The following MYT1L variants were observed in gnomAD, a reference collection of about 807,000 sequenced individuals.
The protein encoded by MYT1L is myelin transcription factor 1-like protein.
In MYT1L, 12 loss-of-function variants were observed where a neutral mutation model predicts 126.7. That is an observed-to-expected ratio of 0.09 (90% confidence interval 0.06 to 0.15). MYT1L has a LOEUF of 0.15. Among genes scored for constraint, MYT1L ranks in the 10% least tolerant of loss-of-function variants. The pLI, the probability that MYT1L is intolerant of heterozygous loss-of-function variation, is 1.00. For synonymous variants in MYT1L, 541 were observed against 604.2 expected, an observed-to-expected ratio of 0.90 and a Z score of 1.53; for missense variants, 979 against 1,585.2, an observed-to-expected ratio of 0.62 and a Z score of 6.49.
intron 2 of MYT1L, among the ~76,000 whole-genome samples, chr2:2,269,585 C>G (rs1432856454): frequency 6.6e-6 from 1 of 152,164 alleles, no homozygotes; most frequent in East Asian, 1.9e-4. Flanking sequence ...TCCCTCCAAG[C>G]TGTCATAGAG....
chr2:2,140,800 C>G (rs1056474858), intron 3 of MYT1L, among the ~76,000 whole-genome samples: 6 of 152,136 alleles, frequency 3.9e-5, no homozygotes, highest in Non-Finnish European at 7.3e-5. Flanking sequence ...AATTCCTGAC[C>G]TCAGGTGATC....
chr2:2,032,942 CCT>C, intron 4 of MYT1L, among the ~76,000 whole-genome samples: 1 of 145,996 alleles, frequency 6.8e-6, no homozygotes, highest in Non-Finnish European at 1.5e-5. Flanking sequence ...CTCGCCAGTG[CCT>C]CTCACCCTGT....
chr2:2,122,872 T>TGTGTGTGTGTGA lies in MYT1L; in HGVS notation c.-304+49999_-304+50000insTCACACACACAC, dbSNP rs553951630. On this transcript the variant is annotated intron_variant, in intron 3 of 24. Coordinates refer to ENST00000647738, the MANE Select transcript of MYT1L (RefSeq NM_001303052.2). Reference sequence around the variant, plus strand: ...GTGTGTGTGTGTGTGTGTGTGTGTGTGAGAGAGAGAGAGAGAGAGACCAAT... The same window carrying TGTGTGTGTGTGA: ...GTGTGTGTGTGTGTGTGTGTGTGTGTGTGTGTGTGTGAGAGAGAGAGAGAGAGAGAGACCAAT... Among the ~76,000 whole-genome samples the TGTGTGTGTGTGA allele has an allele frequency of 4.2e-3, 555 of 133,008 alleles. 4 individuals carry two copies. The highest frequency in any genetic ancestry group is 0.016 in the African/African-American group (534 of 33,738). The allele number at this position is 133,008 out of a possible 152,430, so 87.3% of individuals were successfully genotyped here. A position where few individuals can be genotyped will look rare whatever the true frequency, so the allele number is the denominator to read the frequency against.
chr2:1,952,731 CCCT>C (rs1345798707), intron 8 of MYT1L, among the ~76,000 whole-genome samples: 5 of 63,202 alleles, frequency 7.9e-5, no homozygotes, highest in East Asian at 5.8e-4. Context: ...TCCTTCCCTT[CCCT>C]CCTTCCTTCC....
chr2:1,932,855 G>C (rs1348130716), intron 9 of MYT1L, among the ~76,000 whole-genome samples: 1 of 152,158 alleles, frequency 6.6e-6, no homozygotes, highest in Non-Finnish European at 1.5e-5. Context: ...TGGAGGGCTG[G>C]GAGGTTGAGG....
chr2:2,156,513 T>C (rs1575541469), intron 3 of MYT1L, among the ~76,000 whole-genome samples: 1 of 152,266 alleles, frequency 6.6e-6, no homozygotes, highest in Non-Finnish European at 1.5e-5. Context: ...AGCTTATTCC[T>C]TTCTCATAAG....
At chr2:2,239,585 T>C (rs2094396068) in intron 2 of MYT1L, among the ~76,000 whole-genome samples, 3 of 152,200 alleles carry the variant, frequency 2.0e-5, no homozygotes, top group Admixed American at 1.3e-4. Flanking sequence ...GGGGTTTACA[T>C]GGGGGATAGG....
At chr2:2,015,676 T>A (rs1412985702) in intron 4 of MYT1L, among the ~76,000 whole-genome samples, 1 of 151,262 alleles carries the variant, frequency 6.6e-6, no homozygotes, top group Non-Finnish European at 1.5e-5. Context: ...GAAACAAAGG[T>A]GGAAGGAGAA....
At chr2:2,004,093 G>A (rs1289525987) in intron 4 of MYT1L, among the ~76,000 whole-genome samples, 1 of 148,514 alleles carries the variant, frequency 6.7e-6, no homozygotes, top group Non-Finnish European at 1.5e-5. Flanking sequence ...GTTCTTTCCT[G>A]CGTGCCTTCT....
In MYT1L at chr2:1,892,214, G is replaced by A; in HGVS notation, c.2106C>T (p.Asn702=). ...CGCTGCTGCCCCCGCCGCAGCTCAG[G>A]TTGCTGCTGCTGCTGGGCGCGTAGC... ...TSSYAPSSSS[N]LSCGGGSSAS... is the part of the protein sequence containing the mutation. Residue 702 remains asparagine, a synonymous_variant, in exon 15 of 25, where the codon AAC becomes AAT. Transcript: ENST00000647738. 3 of 1,550,134 alleles carry A rather than the reference G, an allele frequency of 1.9e-6. No homozygotes were observed. The highest frequency in any genetic ancestry group is 2.6e-6 in the Non-Finnish European group (3 of 1,146,502).
intron 21 of MYT1L, chr2:1,810,209 C>T (rs2036381722): frequency 6.6e-6 from 1 of 151,312 alleles, no homozygotes; most frequent in Admixed American, 6.6e-5. Context: ...TCACTGCAGC[C>T]TCTGCCTCCT....
At chr2:1,914,197 T>C (rs2052481388) in intron 11 of MYT1L, among the ~76,000 whole-genome samples, 1 of 151,880 alleles carries the variant, frequency 6.6e-6, no homozygotes, top group South Asian at 2.1e-4. Context: ...GAGGTTGCAG[T>C]GAGCCGAGAT....
chr2:2,282,070 G>T (rs1475395601), intron 2 of MYT1L, among the ~76,000 whole-genome samples: 2 of 152,158 alleles, frequency 1.3e-5, no homozygotes, highest in Admixed American at 6.6e-5. Flanking sequence ...ATATTAAATT[G>T]CTCATACTGA....
intron 1 of MYT1L, among the ~76,000 whole-genome samples, chr2:2,314,975 T>C (rs545567641): frequency 8.5e-5 from 13 of 152,216 alleles, no homozygotes; most frequent in Non-Finnish European, 1.5e-4. Flanking sequence ...GCTAGCCATA[T>C]GCAGAAAATT....
At position 1,792,426 on chromosome 2, in the gene MYT1L, C is replaced by T. The variant is rs1020420815; in HGVS notation, c.3315G>A (p.Glu1105=). The T allele has an allele frequency of 1.2e-6, 2 of 1,613,840 alleles. No homozygotes were observed. The highest frequency in any genetic ancestry group is 3.3e-5 in the Admixed American group (2 of 59,998). ...TCTGCTGCTCAATCACTTTGTTCTC[C>T]TCTTCGATGGTCTTCAGGTTGCTCT... is the stretch of plus-strand genomic sequence containing the variant. ...TMESNLKTIE[E]ENKVIEQQNE... is the part of the protein sequence containing the mutation. The change falls in exon 24 of 25, where the codon GAG becomes GAA. Residue 1105 remains glutamate, a synonymous_variant. Transcript: ENST00000647738.
At chr2:2,231,011 C>T (rs1348560239) in intron 2 of MYT1L, among the ~76,000 whole-genome samples, 1 of 152,076 alleles carries the variant, frequency 6.6e-6, no homozygotes, top group Non-Finnish European at 1.5e-5. Flanking sequence ...ACTTACCCAG[C>T]CCCCACCCCC....
intron 9 of MYT1L, among the ~76,000 whole-genome samples, chr2:1,937,215 A>C (rs1374203304): frequency 6.6e-6 from 1 of 152,130 alleles, no homozygotes; most frequent in Non-Finnish European, 1.5e-5. Context: ...CCTGACCCCC[A>C]CATCGACTCT....
intron 18 of MYT1L, among the ~76,000 whole-genome samples, chr2:1,870,172 T>C (rs13410827): frequency 0.042 from 6,421 of 152,268 alleles, 360 homozygotes; most frequent in African/African-American, 0.13. Context: ...TTGAAATCAT[T>C]TCACGGTGCA....
intron 2 of MYT1L, among the ~76,000 whole-genome samples, chr2:2,274,948 T>C (rs1193785122): frequency 2.6e-5 from 4 of 152,006 alleles, no homozygotes; most frequent in Non-Finnish European, 4.4e-5. Flanking sequence ...TATTGATCCC[T>C]ATGTAGTGCT....
Sources: allele counts gnomAD v4.1 joint callset (sites outside exome capture counted in the v4.1 genomes callset), GRCh38; gene constraint gnomAD v4.1.1; transcripts MANE v1.5; gene names NCBI Gene and HGNC (gene_info 2026-07-23, HGNC 2026-07-21).